RAF1: variants seen among roughly 807,000 people sequenced by gnomAD.
The protein encoded by RAF1 is Raf-1 proto-oncogene, serine/threonine kinase, also known as RAF proto-oncogene serine/threonine-protein kinase.
A neutral mutation model predicts 81.1 loss-of-function variants in RAF1; 27 were observed. That is an observed-to-expected ratio of 0.33 (90% CI 0.25 to 0.46). RAF1 has a LOEUF of 0.46. RAF1 is among the 20% of genes least tolerant of loss of function. The pLI is 1.00. For synonymous variants in RAF1, 298 were observed against 294.0 expected, an observed-to-expected ratio of 1.01 and a Z score of -0.14; for missense variants, 598 against 826.0, an observed-to-expected ratio of 0.72 and a Z score of 3.38.
intron 1 of RAF1, among the ~76,000 whole-genome samples, chr3:12,651,686 G>C (rs2060532201): frequency 6.8e-6 from 1 of 147,480 alleles, no homozygotes; most frequent in Non-Finnish European, 1.5e-5. Flanking sequence ...ATTGATCACA[G>C]AATACATGTT....
At position 12,584,328 on chromosome 3, in the gene RAF1, C is replaced by T. The variant is rs2058244977; in HGVS notation, c.*186G>A. 9.9e-6 allele frequency: 7 copies of T among 707,838 alleles called. No individual in the cohort carries two copies. Among genetic ancestry groups the T allele is most frequent in the Non-Finnish European group, 1.6e-5 (7 of 425,002 alleles). 43.8% of individuals were successfully genotyped at this position (707,838 alleles called of 1,614,324 possible). A position where few individuals can be genotyped will look rare whatever the true frequency, so the allele number is the denominator to read the frequency against. ...CACCAGCACTGCAAATGGCTTCCTT[C>T]TCCCAGGGCCCAAAGGGATAGAAAA... On this transcript the variant is annotated 3_prime_UTR_variant, in exon 18 of 18. Coordinates refer to ENST00000442415, the MANE Select transcript of RAF1 (RefSeq NM_001354689.3).
At chr3:12,610,419 G>A (rs971047040) in intron 3 of RAF1, among the ~76,000 whole-genome samples, 1 of 152,168 alleles carries the variant, frequency 6.6e-6, no homozygotes, top group Admixed American at 6.6e-5. Flanking sequence ...TCAATCTGCA[G>A]ACTGATCCTA....
At chr3:12,619,367 C>T (rs2059479443) in intron 1 of RAF1, among the ~76,000 whole-genome samples, 1 of 151,878 alleles carries the variant, frequency 6.6e-6, no homozygotes, top group South Asian at 2.1e-4. Context: ...AGTTCAAGAC[C>T]AGCCTGGCTA....
chr3:12,629,121 G>A (rs139050641), intron 1 of RAF1, among the ~76,000 whole-genome samples: 58 of 152,186 alleles, frequency 3.8e-4, no homozygotes, highest in African/African-American at 1.3e-3. Context: ...ACCCATAGAA[G>A]TCAACCAAAA....
chr3:12,638,766 T>A (rs1005918391), intron 1 of RAF1, among the ~76,000 whole-genome samples: 23 of 152,188 alleles, frequency 1.5e-4, no homozygotes, highest in Non-Finnish European at 3.2e-4. Context: ...ATGGGCATGG[T>A]GGCTCATGCC....
intron 11 of RAF1, among the ~76,000 whole-genome samples, chr3:12,598,728 A>C (rs1452398548): frequency 3.4e-5 from 2 of 59,438 alleles, no homozygotes; most frequent in East Asian, 2.1e-4. Flanking sequence ...TCTATCTCAA[A>C]AAAAAAAAAA....
At chr3:12,661,765 A>G (rs2060884846) in intron 1 of RAF1, among the ~76,000 whole-genome samples, 1 of 152,198 alleles carries the variant, frequency 6.6e-6, no homozygotes, top group South Asian at 2.1e-4. Flanking sequence ...CTACATTTAT[A>G]AAGTTAACAT....
chr3:12,585,917 G>T, intron 14 of RAF1, 118 bp from the exon 14 acceptor site: 1 of 787,210 alleles, frequency 1.3e-6, no homozygotes, highest in Non-Finnish European at 2.2e-6. Flanking sequence ...CAGCCTCTCT[G>T]CACTGAACTT....
chr3:12,595,392 G>A (rs776940685), intron 11 of RAF1, among the ~76,000 whole-genome samples: 1 of 152,078 alleles, frequency 6.6e-6, no homozygotes, highest in Non-Finnish European at 1.5e-5. Flanking sequence ...CTACTAGTAG[G>A]AACTACCTGG....
chr3:12,599,553 G>C (rs2058791309), intron 11 of RAF1, 138 bp downstream of exon 10: 2 of 690,452 alleles, frequency 2.9e-6, no homozygotes, highest in South Asian at 3.2e-5. Context: ...TCAATCTTCA[G>C]GTATAATCAA....
At chr3:12,590,416 CA>C (rs11285578) in intron 13 of RAF1, 227,492 of 227,494 alleles carry the variant, frequency 1, 113,745 homozygotes, top group Middle Eastern at 1. Flanking sequence ...CTCTGCTTTC[CA>C]ATGTTCAAGC....
At chr3:12,654,010 G>GA (rs1176765467) in intron 1 of RAF1, among the ~76,000 whole-genome samples, 1 of 146,502 alleles carries the variant, frequency 6.8e-6, no homozygotes, top group Non-Finnish European at 1.5e-5. Context: ...TTTTTTTCAA[G>GA]AGACAGCATC....
At chr3:12,613,494 G>A (rs953405360) in intron 2 of RAF1, among the ~76,000 whole-genome samples, 1 of 151,894 alleles carries the variant, frequency 6.6e-6, no homozygotes, top group South Asian at 2.1e-4. Flanking sequence ...ACGGGGAGGG[G>A]GAAGGAAGTA....
In RAF1 at chr3:12,583,616, A is replaced by T. The variant is rs564572418; in HGVS notation, c.*898T>A. On this transcript the variant is annotated 3_prime_UTR_variant, in exon 18 of 18. Coordinates refer to ENST00000442415, the MANE Select transcript of RAF1 (RefSeq NM_001354689.3). ...CAGCCAGCCATTACACCTAAATTTA[A>T]TTTATTTTATTAAAATAACATAATT... 4.3e-5 allele frequency: 10 copies of T among 231,794 alleles called. No homozygotes were observed. Among genetic ancestry groups the T allele is most frequent in the Non-Finnish European group, 7.7e-5 (9 of 117,242 alleles). The allele number at this position is 231,794 out of a possible 1,614,324, so 14.4% of individuals were successfully genotyped here.
In RAF1 at chr3:12,583,775, G is replaced by GTT. The variant is rs946247602; in HGVS notation, c.*737_*738dup. On this transcript the variant is annotated 3_prime_UTR_variant, in exon 18 of 18. Transcript: ENST00000442415. Reference sequence around the variant, plus strand: ...ACTAGAGAAACAAGGCTGTTTGTTTGTTTGTTTGTTAGAGAAACAAGGCTG... The same window carrying GTT: ...ACTAGAGAAACAAGGCTGTTTGTTTGTTTTTGTTTGTTAGAGAAACAAGGCTG... 8.6e-6 allele frequency: 2 copies of GTT among 233,166 alleles called. No homozygotes were observed. The highest frequency in any genetic ancestry group is 4.4e-5 in the African/African-American group (2 of 44,966). 14.4% of individuals were successfully genotyped at this position (233,166 alleles called of 1,614,324 possible).
chr3:12,646,090 CCTTT>C (rs948704105), intron 1 of RAF1, among the ~76,000 whole-genome samples: 3 of 152,030 alleles, frequency 2.0e-5, no homozygotes, highest in Non-Finnish European at 2.9e-5. Context: ...TATAACTTAT[CCTTT>C]CTTTTTACTC....
chr3:12,626,409 C>G (rs914087927), intron 1 of RAF1, among the ~76,000 whole-genome samples: 3 of 151,374 alleles, frequency 2.0e-5, no homozygotes, highest in Admixed American at 1.3e-4. Context: ...GGAAACATAC[C>G]AAGACCCCGT....
At chr3:12,662,085 T>C (rs916552907) in intron 1 of RAF1, among the ~76,000 whole-genome samples, 9 of 150,588 alleles carry the variant, frequency 6.0e-5, no homozygotes, top group African/African-American at 1.7e-4. Flanking sequence ...AGCAAGCACG[T>C]TGGGAGGGAG....
At chr3:12,601,762 G>A (rs1315506751) in intron 8 of RAF1, among the ~76,000 whole-genome samples, 4 of 152,110 alleles carry the variant, frequency 2.6e-5, no homozygotes, top group African/African-American at 9.7e-5. Flanking sequence ...GCCTAGTTCT[G>A]GTTCCCAAAA....
Sources: gnomAD v4.1 joint callset for allele counts (sites outside exome capture counted in the v4.1 genomes callset) on GRCh38, gnomAD v4.1.1 for gene constraint, MANE v1.5 for transcripts, NCBI Gene and HGNC (gene_info 2026-07-23, HGNC 2026-07-21) for gene names.